ANKMY1: variants seen among roughly 807,000 people sequenced by gnomAD.
The protein encoded by ANKMY1 is ankyrin repeat and MYND domain containing 1.
A neutral mutation model predicts 102.0 loss-of-function variants in ANKMY1; 98 were observed. That is an observed-to-expected ratio of 0.96 (90% confidence interval 0.82 to 1.14). ANKMY1 has a LOEUF of 1.14. ANKMY1 is among the 50% of genes most tolerant of loss of function. The probability of loss-of-function intolerance (pLI) is 0.00; values close to 1 mark genes in which losing one functional copy is unlikely to be tolerated. For missense variants in ANKMY1, 1,330 were observed against 1,347.6 expected (o/e 0.99, Z 0.20); for synonymous variants, 582 against 559.9 (o/e 1.04, Z -0.56).
chr2:240,551,820 G>C (rs2091578401), intron 4 of ANKMY1, among the ~76,000 whole-genome samples: 1 of 152,222 alleles, frequency 6.6e-6, no homozygotes, highest in African/African-American at 2.4e-5. Flanking sequence ...TAATCCTACA[G>C]AGAGTTGTTT....
intron 7 of ANKMY1, among the ~76,000 whole-genome samples, chr2:240,525,306 C>A (rs990662474): frequency 6.6e-6 from 1 of 152,242 alleles, no homozygotes; most frequent in Admixed American, 6.5e-5. Flanking sequence ...AGGACTGAGA[C>A]CGAACCCCTG....
intron 13 of ANKMY1, among the ~76,000 whole-genome samples, chr2:240,502,169 C>A (rs2078304872): frequency 6.6e-6 from 1 of 150,564 alleles, no homozygotes; most frequent in African/African-American, 2.4e-5. Flanking sequence ...TGCCAGCCCA[C>A]CCCCACCCCC....
At position 240,554,865 on chromosome 2, in the gene ANKMY1, C is replaced by G; in HGVS notation, c.336+1G>C. ...GGCGGAGAAAGTGTGGAAGCAGTTA[C>G]CTCGCCTGTGGGCCAAGAGAATTTG... On this transcript the variant is annotated splice_donor_variant, in intron 3 of 17. Transcript: ENST00000401804. LOFTEE classifies it high-confidence loss of function. 1 of 1,614,110 alleles carries G rather than the reference C, an allele frequency of 6.2e-7. No individual in the cohort carries two copies. Among genetic ancestry groups the G allele is most frequent in the South Asian group, 1.1e-5 (1 of 91,084 alleles).
chr2:240,507,639 T>G lies in ANKMY1; in HGVS notation c.2447A>C (p.Lys816Thr). ...QGADPNLPLT[K>T]GLGSALCVAC... ...AACACACAGGGCACTGCCCAAGCCTTTGGTCAGGGGCAGGTTGGGGTCAGC... is the reference window on the plus strand; with the variant it reads ...AACACACAGGGCACTGCCCAAGCCTGTGGTCAGGGGCAGGTTGGGGTCAGC... The change falls in exon 13 of 18, where the codon AAA becomes ACA. Residue 816 changes from lysine (K) to threonine (T), a missense_variant. Transcript: ENST00000401804. 4.3e-6 allele frequency: 7 copies of G among 1,611,770 alleles called. No individual in the cohort carries two copies. The highest frequency in any genetic ancestry group is 5.9e-6 in the Non-Finnish European group (7 of 1,178,866).
In ANKMY1 at chr2:240,479,650, G is replaced by C; in HGVS notation, c.3052C>G (p.Gln1018Glu). 1 of 1,613,674 alleles carries C rather than the reference G, an allele frequency of 6.2e-7. No homozygotes were observed. The highest frequency in any genetic ancestry group is 8.5e-7 in the Non-Finnish European group (1 of 1,179,974). Reference protein sequence around the residue: ...DCGDLVAIVTQLEQVSRRREE... With the variant: ...DCGDLVAIVTELEQVSRRREE... ...CTCCTCCTGGAAACTTGCTCCAGTT[G>C]TGTCACTGGAGGAGGAAAAGGTGTG... The change falls in exon 18 of 18, where the codon CAA becomes GAA. Residue 1018 changes from glutamine to glutamate, a missense_variant. Physicochemically the swap from Gln to Glu is conservative, Grantham distance 29. Transcript: ENST00000401804.
At chr2:240,558,032 G>C, upstream of ANKMY1, 1 of 949,558 alleles carries the variant, frequency 1.1e-6, no homozygotes, top group Non-Finnish European at 1.3e-6. Flanking sequence ...CCCCATGCCC[G>C]CTGCCACTCT....
chr2:240,527,640 G>A (rs2083995466), intron 5 of ANKMY1: 2 of 150,934 alleles, frequency 1.3e-5, no homozygotes, highest in Admixed American at 1.3e-4. Context: ...ACTGATGAAT[G>A]ACTGGACGGG....
chr2:240,526,004 G>T, intron 6 of ANKMY1, 155 bp from the exon 7 acceptor site: 1 of 1,068,872 alleles, frequency 9.4e-7, no homozygotes, highest in Non-Finnish European at 1.4e-6. Context: ...GTGTGGGACA[G>T]AGGAATGGAA....
In ANKMY1 at chr2:240,515,168, G is replaced by A. The variant is rs534757979; in HGVS notation, c.2005-2226C>T. The stretch of plus-strand genomic sequence containing the variant: ...AAATTAACATTAATATCAAAAGTAC[G>A]TGGTTACAAGGCCAGTGTCTGGGCC... On this transcript the variant is annotated intron_variant, in intron 9 of 17. Coordinates refer to ENST00000401804, the MANE Select transcript of ANKMY1 (RefSeq NM_001282771.3). Among the ~76,000 whole-genome samples, 32 of 152,324 alleles carry A rather than the reference G, an allele frequency of 2.1e-4. No individual in the cohort carries two copies. In the South Asian group the frequency reaches 5.8e-3, roughly 28 times the overall value.
intron 15 of ANKMY1, among the ~76,000 whole-genome samples, chr2:240,482,644 TCTA>T (rs1304699664): frequency 5.2e-5 from 8 of 152,386 alleles, no homozygotes; most frequent in African/African-American, 1.7e-4. Flanking sequence ...CTAATTAAAT[TCTA>T]CTGTGGTCAG....
At position 240,524,073 on chromosome 2, in the gene ANKMY1, G is replaced by T; in HGVS notation, c.1644C>A (p.Gly548=). ...LEDVLGNTDR[G]SLCSAETKFE... ...ATTTCGTCTCAGCACTGCACAGACT[G>T]CCCCGGTCTGTGTTTCCCAACACGT... Residue 548 remains glycine, a synonymous_variant, in exon 8 of 18, where the codon GGC becomes GGA. Coordinates refer to ENST00000401804, the MANE Select transcript of ANKMY1 (RefSeq NM_001282771.3). 6.2e-7 allele frequency: 1 copy of T among 1,614,054 alleles called. No homozygotes were observed. Among genetic ancestry groups the T allele is most frequent in the Non-Finnish European group, 8.5e-7 (1 of 1,180,044 alleles).
chr2:240,513,823 G>A (rs143032476), intron 9 of ANKMY1, among the ~76,000 whole-genome samples: 14 of 152,368 alleles, frequency 9.2e-5, no homozygotes, highest in Admixed American at 5.2e-4. Context: ...CCTCAAGCAT[G>A]ACCAGGGCCA....
chr2:240,535,431 G>A (rs1221185833), intron 4 of ANKMY1, among the ~76,000 whole-genome samples: 1 of 152,104 alleles, frequency 6.6e-6, no homozygotes, highest in East Asian at 1.9e-4. Context: ...GTTGTAAAAT[G>A]TTTCTTACGG....
intron 15 of ANKMY1, among the ~76,000 whole-genome samples, chr2:240,495,385 G>C (rs1178172202): frequency 6.6e-6 from 1 of 152,246 alleles, no homozygotes; most frequent in Non-Finnish European, 1.5e-5. Flanking sequence ...CTGTGCTTCA[G>C]TGGTCACGCT....
At chr2:240,478,186 G>A (rs141768604), downstream of ANKMY1, among the ~76,000 whole-genome samples, 47 of 152,246 alleles carry the variant, frequency 3.1e-4, no homozygotes, top group East Asian at 7.9e-3. Flanking sequence ...AGCACATGCC[G>A]CCATGTTTCC....
chr2:240,481,173 T>TCCCAGGCA, intron 16 of ANKMY1, 76 bp from the exon 17 acceptor site: 1 of 1,541,716 alleles, frequency 6.5e-7, no homozygotes, highest in Non-Finnish European at 8.8e-7. Context: ...GCCTGGGAGC[T>TCCCAGGCA]GTGCCTGGCC....
downstream of ANKMY1, among the ~76,000 whole-genome samples, chr2:240,477,999 T>C (rs781211434): frequency 3.9e-5 from 6 of 152,166 alleles, no homozygotes; most frequent in South Asian, 6.2e-4. Context: ...TAATCCCCAA[T>C]GTGGGAGGTG....
In ANKMY1 at chr2:240,498,186, T is replaced by TGG. The variant is rs1012692307; in HGVS notation, c.2806+1770_2806+1771dup. ...CGAGGGGAGGTTAGTATGTTTGTGT[T>TGG]GGGGGGGGACATATGGGAGTGGCTT... On this transcript the variant is annotated intron_variant, in intron 15 of 17. Coordinates refer to ENST00000401804, the MANE Select transcript of ANKMY1 (RefSeq NM_001282771.3). Among the ~76,000 whole-genome samples, 4 of 132,416 alleles carry TGG rather than the reference T, an allele frequency of 3.0e-5. No individual in the cohort carries two copies. In the East Asian group the frequency reaches 1.0e-3, roughly 34 times the overall value. 86.9% of individuals were successfully genotyped at this position (132,416 alleles called of 152,430 possible). A position where few individuals can be genotyped will look rare whatever the true frequency, so the allele number is the denominator to read the frequency against.
intron 9 of ANKMY1, among the ~76,000 whole-genome samples, chr2:240,517,756 T>C (rs941292360): frequency 6.6e-6 from 1 of 152,076 alleles, no homozygotes; most frequent in Non-Finnish European, 1.5e-5. Context: ...CAGTGAGCCA[T>C]GATTATACCA....
Sources: gnomAD v4.1 joint callset for allele counts (sites outside exome capture counted in the v4.1 genomes callset) on GRCh38, gnomAD v4.1.1 for gene constraint, MANE v1.5 for transcripts, NCBI Gene and HGNC (gene_info 2026-07-23, HGNC 2026-07-21) for gene names.